Variants in SAMD3 observed in about 807,000 individuals in gnomAD.
SAMD3 encodes sterile alpha motif domain containing 3.
Under a neutral mutation model 58.5 loss-of-function variants are expected in SAMD3, and 63 were observed. The observed-to-expected ratio is 1.08, with a 90% CI of 0.88 to 1.33. The LOEUF is 1.33. Ranked by LOEUF, SAMD3 falls within the 40% of genes most tolerant of loss-of-function variation. The probability of loss-of-function intolerance (pLI) is 0.00; values close to 1 mark genes in which losing one functional copy is unlikely to be tolerated. For missense variants in SAMD3, 604 were observed against 608.4 expected (o/e 0.99, Z 0.08); for synonymous variants, 220 against 210.3 (o/e 1.05, Z -0.40).
intron 1 of SAMD3, among the ~76,000 whole-genome samples, chr6:130,320,256 C>A (rs1402636682): frequency 6.6e-6 from 1 of 152,034 alleles, no homozygotes; most frequent in African/African-American, 2.4e-5. Context: ...TGAACAGAAG[C>A]TTCATCAAAG....
chr6:130,180,939 C>CTT (rs1187850632), intron 7 of SAMD3, among the ~76,000 whole-genome samples: 7 of 66,188 alleles, frequency 1.1e-4, no homozygotes, highest in African/African-American at 2.9e-4. Flanking sequence ...TTTCTTTTTT[C>CTT]TTTTTCTTTC....
In SAMD3 at chr6:130,154,844, A is replaced by G. The variant is rs775960481; in HGVS notation, c.1004T>C (p.Phe335Ser). The change falls in exon 9 of 12, where the codon TTC becomes TCC. Residue 335 changes from phenylalanine (F) to serine (S), a missense_variant. Phe to Ser is a radical substitution (Grantham distance 155, BLOSUM62 -2). Coordinates refer to ENST00000439090, the MANE Select transcript of SAMD3 (RefSeq NM_001017373.4). ...PLKDILKLFPFLKCPYQMFRE... is the reference protein window; with the variant it reads ...PLKDILKLFPSLKCPYQMFRE... ...AGATACCTGATAAGGGCACTTCAAG[A>G]AAGGAAACAGTTTAAGAATGTCCTT... The G allele has an allele frequency of 8.1e-6, 13 of 1,612,500 alleles. No homozygotes were observed. In the South Asian group the frequency reaches 9.9e-5, roughly 12 times the overall value.
chr6:130,174,320 A>G (rs892620599), intron 8 of SAMD3, among the ~76,000 whole-genome samples: 1 of 152,186 alleles, frequency 6.6e-6, no homozygotes, highest in African/African-American at 2.4e-5. Flanking sequence ...CATACGAGGC[A>G]ATCTCCTGAT....
At chr6:130,217,906 C>A (rs570102734) in intron 1 of SAMD3, among the ~76,000 whole-genome samples, 129 of 152,304 alleles carry the variant, frequency 8.5e-4, no homozygotes, top group African/African-American at 3.0e-3. Flanking sequence ...CCTACCGTGG[C>A]TGAACTTGAA....
intron 5 of SAMD3, among the ~76,000 whole-genome samples, chr6:130,200,376 C>T (rs1218323719): frequency 3.2e-4 from 37 of 115,234 alleles, no homozygotes; most frequent in Non-Finnish European, 1.3e-4. Flanking sequence ...CCCATCTGTA[C>T]TAAAAATACA....
chr6:130,226,517 A>G (rs185401217), upstream of SAMD3, among the ~76,000 whole-genome samples: 1 of 152,360 alleles, frequency 6.6e-6, no homozygotes, highest in Admixed American at 6.5e-5. Flanking sequence ...AGAAATGTGT[A>G]TAACACTTTA....
Position 130,214,438 on chromosome 6 carries a change from C to T in SAMD3, c.168G>A (p.Leu56=), listed in dbSNP as rs1322859602. ...LVKKIGHQAV[L]MDLIKKYKQN... is the part of the protein sequence containing the mutation. ...GCTTGTATTTTTTAATTAAATCCAT[C>T]AGAACAGCCTGGTGCCCAATTTTCT... Residue 56 remains leucine (L), a synonymous_variant, in exon 4 of 12, where the codon CTG becomes CTA. Transcript: ENST00000439090. 3.1e-6 allele frequency: 5 copies of T among 1,613,254 alleles called. No homozygotes were observed. The highest frequency in any genetic ancestry group is 1.3e-5 in the African/African-American group (1 of 74,844).
intron 2 of SAMD3, among the ~76,000 whole-genome samples, chr6:130,288,193 G>GA (rs1775230749): frequency 6.6e-6 from 1 of 152,136 alleles, no homozygotes; most frequent in Non-Finnish European, 1.5e-5. Flanking sequence ...GAAAGACAGA[G>GA]AAAAAAGAGA....
At chr6:130,263,344 C>T (rs1387051377) in intron 2 of SAMD3, among the ~76,000 whole-genome samples, 1 of 152,180 alleles carries the variant, frequency 6.6e-6, no homozygotes, top group Non-Finnish European at 1.5e-5. Context: ...ACTTGTACCA[C>T]CCTTAGAATT....
chr6:130,358,078 G>T (rs988489400), intron 1 of SAMD3, among the ~76,000 whole-genome samples: 6 of 152,046 alleles, frequency 3.9e-5, no homozygotes, highest in African/African-American at 1.4e-4. Context: ...ATCTACTGTG[G>T]GTTGATAATC....
chr6:130,252,761 C>T (rs1019718313), intron 2 of SAMD3, among the ~76,000 whole-genome samples: 6 of 152,112 alleles, frequency 3.9e-5, no homozygotes, highest in Non-Finnish European at 7.4e-5. Flanking sequence ...GGCTTAGCTT[C>T]AACTATTAAT....
intron 2 of SAMD3, among the ~76,000 whole-genome samples, chr6:130,273,972 C>G (rs949255611): frequency 1.3e-5 from 2 of 151,638 alleles, no homozygotes; most frequent in African/African-American, 4.8e-5. Context: ...ATACTTAACT[C>G]TACAAGTGAA....
intron 1 of SAMD3, among the ~76,000 whole-genome samples, chr6:130,218,546 G>A (rs1796097096): frequency 6.6e-6 from 1 of 152,178 alleles, no homozygotes; most frequent in Non-Finnish European, 1.5e-5. Context: ...GACGTTTACT[G>A]CCTAGATAGA....
chr6:130,328,408 C>G (rs1055587063), intron 1 of SAMD3, among the ~76,000 whole-genome samples: 5 of 152,158 alleles, frequency 3.3e-5, no homozygotes, highest in Admixed American at 1.3e-4. Flanking sequence ...ACTTTTTCCC[C>G]ACCTCTTTCA....
At chr6:130,267,793 CCT>C (rs1353975799) in intron 2 of SAMD3, among the ~76,000 whole-genome samples, 1 of 152,184 alleles carries the variant, frequency 6.6e-6, no homozygotes, top group African/African-American at 2.4e-5. Flanking sequence ...GCATGCAGCC[CCT>C]GTCACTTATG....
chr6:130,353,533 T>A (rs1018478216), intron 1 of SAMD3, among the ~76,000 whole-genome samples: 2 of 152,218 alleles, frequency 1.3e-5, no homozygotes, highest in African/African-American at 4.8e-5. Flanking sequence ...ATCTGCGATA[T>A]CTTCTGACAA....
downstream of SAMD3, chr6:130,143,669 C>T (rs987476100): frequency 6.6e-6 from 1 of 152,228 alleles, no homozygotes; most frequent in Non-Finnish European, 1.5e-5. Context: ...CCAAAAGGCC[C>T]TGGTCTATCT....
exon 1 of SAMD3, chr6:130,365,248 C>G (rs1053509854): frequency 1.9e-5 from 19 of 985,382 alleles, no homozygotes; most frequent in Non-Finnish European, 1.1e-5. Context: ...CTGAACCTCT[C>G]GTTGGCTTTG....
intron 1 of SAMD3, among the ~76,000 whole-genome samples, chr6:130,326,273 C>T (rs1037733395): frequency 1.3e-4 from 19 of 151,928 alleles, no homozygotes; most frequent in African/African-American, 4.1e-4. Flanking sequence ...TGCTTAAATA[C>T]TACTGAGCTG....
Sources: gnomAD v4.1 joint callset for allele counts (sites outside exome capture counted in the v4.1 genomes callset) on GRCh38, gnomAD v4.1.1 for gene constraint, MANE v1.5 for transcripts, NCBI Gene and HGNC (gene_info 2026-07-23, HGNC 2026-07-21) for gene names.